The following PCLO variants were observed in gnomAD, a reference collection of about 807,000 sequenced individuals.
PCLO encodes the protein piccolo presynaptic cytomatrix protein.
A neutral mutation model predicts 427.5 loss-of-function variants in PCLO; 82 were observed. The ratio of observed to expected loss-of-function variants is 0.19; its 90% CI spans 0.16 to 0.23. The LOEUF is 0.23. Ranked by LOEUF, PCLO falls within the 10% of genes least tolerant of loss-of-function variation. The pLI is 1.00. For missense variants in PCLO, 6,239 were observed against 6,115.9 expected, an observed-to-expected ratio of 1.02 and a Z score of -0.67; for synonymous variants, 2,357 against 2,155.4, an observed-to-expected ratio of 1.09 and a Z score of -2.59.
intron 22 of PCLO, among the ~76,000 whole-genome samples, chr7:82,794,455 T>C (rs556547780): frequency 0.022 from 2,018 of 92,846 alleles, 84 homozygotes; most frequent in African/African-American, 0.096. Context: ...CATAAATTTT[T>C]TTTCTTTTTT....
At position 82,958,125 on chromosome 7, in the gene PCLO, T is replaced by C. The variant is rs1795570300; in HGVS notation, c.4018-1190A>G. 7.2e-5 allele frequency among the ~76,000 whole-genome samples: 11 copies of C among 152,300 alleles called. No homozygotes were observed. In the South Asian group the frequency reaches 2.3e-3, roughly 32 times the overall value. On this transcript the variant is annotated intron_variant, in intron 4 of 24. Transcript: ENST00000333891. ...TTAGGGGAACAGCTGCCTAAGAGCATGCTATAGCTCATTCTAGCCTGTGAG... is the reference window on the plus strand; with the variant it reads ...TTAGGGGAACAGCTGCCTAAGAGCACGCTATAGCTCATTCTAGCCTGTGAG...
chr7:82,803,830 T>G (rs988413149), intron 21 of PCLO, among the ~76,000 whole-genome samples: 1 of 152,154 alleles, frequency 6.6e-6, no homozygotes, highest in African/African-American at 2.4e-5. Context: ...AAAGTAAATA[T>G]TCGTTGTGCT....
At chr7:82,854,916 A>T (rs2115870016) in intron 10 of PCLO, among the ~76,000 whole-genome samples, 1 of 152,250 alleles carries the variant, frequency 6.6e-6, no homozygotes, top group Non-Finnish European at 1.5e-5. Flanking sequence ...AAATTTACAT[A>T]TTTTTAAAAC....
chr7:82,887,102 T>G (rs761850680), intron 9 of PCLO, among the ~76,000 whole-genome samples: 13 of 152,148 alleles, frequency 8.5e-5, no homozygotes, highest in Admixed American at 5.2e-4. Context: ...ATCCCGTAGC[T>G]TTTTTTGCGT....
At chr7:82,994,670 G>A (rs1037988344) in intron 3 of PCLO, among the ~76,000 whole-genome samples, 1 of 151,644 alleles carries the variant, frequency 6.6e-6, no homozygotes, top group Non-Finnish European at 1.5e-5. Flanking sequence ...GGCATGCAAT[G>A]CATAATAATC....
intron 22 of PCLO, among the ~76,000 whole-genome samples, chr7:82,798,173 G>C (rs1791267373): frequency 6.6e-6 from 1 of 152,040 alleles, no homozygotes; most frequent in South Asian, 2.1e-4. Context: ...TCTTAGAGTG[G>C]ACTAAGGTAT....
At chr7:83,072,382 A>T (rs1789840889) in intron 3 of PCLO, among the ~76,000 whole-genome samples, 2 of 152,210 alleles carry the variant, frequency 1.3e-5, no homozygotes, top group Admixed American at 1.3e-4. Flanking sequence ...TTTAAAAAAT[A>T]ATATTATCCA....
intron 22 of PCLO, among the ~76,000 whole-genome samples, chr7:82,762,121 T>C (rs144512559): frequency 4.7e-4 from 72 of 152,194 alleles, no homozygotes; most frequent in African/African-American, 1.7e-3. Flanking sequence ...GCTTTTTCTA[T>C]CTATTGGGAA....
At chr7:83,004,206 A>C (rs1787891383) in intron 3 of PCLO, among the ~76,000 whole-genome samples, 1 of 151,782 alleles carries the variant, frequency 6.6e-6, no homozygotes, top group African/African-American at 2.4e-5. Flanking sequence ...CAGCCAAGGC[A>C]ATCTTGAGAA....
At chr7:82,821,500 A>T in intron 20 of PCLO, 1 of 985,040 alleles carries the variant, frequency 1.0e-6, no homozygotes, top group Non-Finnish European at 1.2e-6. Flanking sequence ...AGATGGAGAG[A>T]ACAATGATCT....
At chr7:83,088,712 C>G (rs1431235186) in intron 3 of PCLO, among the ~76,000 whole-genome samples, 1 of 152,136 alleles carries the variant, frequency 6.6e-6, no homozygotes, top group Non-Finnish European at 1.5e-5. Context: ...GCATGTTCAG[C>G]AGCCCCTGCC....
chr7:82,998,342 T>C (rs1465680662), intron 3 of PCLO, among the ~76,000 whole-genome samples: 1 of 151,718 alleles, frequency 6.6e-6, no homozygotes. Flanking sequence ...GGTGCCAGGC[T>C]GAAATATGCC....
chr7:82,966,798 T>A (rs1201650629), intron 3 of PCLO, among the ~76,000 whole-genome samples: 2 of 152,130 alleles, frequency 1.3e-5, no homozygotes, highest in African/African-American at 4.8e-5. Context: ...AGAAAAAAAA[T>A]CTGCATTTGT....
intron 22 of PCLO, among the ~76,000 whole-genome samples, chr7:82,792,366 A>T (rs1308477660): frequency 5.4e-5 from 8 of 148,606 alleles, no homozygotes; most frequent in Non-Finnish European, 1.0e-4. Context: ...TCACTCTGTC[A>T]TCCAGGCTGG....
At chr7:83,059,505 A>T (rs35846065) in intron 3 of PCLO, among the ~76,000 whole-genome samples, 94 of 151,436 alleles carry the variant, frequency 6.2e-4, no homozygotes, top group Non-Finnish European at 1.2e-3. Context: ...AATCATGAAA[A>T]CTTTCATCCT....
chr7:83,157,791 A>G (rs913587701), intron 1 of PCLO, among the ~76,000 whole-genome samples: 14 of 151,972 alleles, frequency 9.2e-5, no homozygotes, highest in African/African-American at 3.4e-4. Flanking sequence ...TTAAATTTTG[A>G]AAAATGTTTC....
intron 15 of PCLO, 75 bp downstream of exon 15, chr7:82,838,143 G>T: frequency 2.0e-6 from 2 of 996,648 alleles, no homozygotes; most frequent in Non-Finnish European, 1.5e-6. Context: ...AAAATGAGGT[G>T]TGGAAATTAA....
Position 83,018,127 on chromosome 7 carries a change from T to G in PCLO, c.3301-51640A>C, listed in dbSNP as rs1425726983. 4 of 152,176 alleles carry G rather than the reference T, an allele frequency of 2.6e-5. No individual in the cohort carries two copies. The East Asian group carries it at 5.8e-4, about 22-fold the overall frequency. The allele number at this position is 152,176 out of a possible 1,614,324, so 9.4% of individuals were successfully genotyped here. A position where few individuals can be genotyped will look rare whatever the true frequency, so the allele number is the denominator to read the frequency against. On this transcript the variant is annotated intron_variant, in intron 3 of 24. Coordinates refer to ENST00000333891, the MANE Select transcript of PCLO (RefSeq NM_033026.6). ...AATAATTCCTTATAGAAGTATTATT[T>G]ATAAAAACCTAAATTGGAACCAAAT...
intron 3 of PCLO, among the ~76,000 whole-genome samples, chr7:82,992,759 G>T (rs1327331496): frequency 6.7e-6 from 1 of 149,694 alleles, no homozygotes; most frequent in Non-Finnish European, 1.5e-5. Context: ...TAAAGTAAAA[G>T]AAAAAAAAAT....
Sources: gnomAD v4.1 joint callset for allele counts (sites outside exome capture counted in the v4.1 genomes callset) on GRCh38, gnomAD v4.1.1 for gene constraint, MANE v1.5 for transcripts, NCBI Gene and HGNC (gene_info 2026-07-23, HGNC 2026-07-21) for gene names.